SRGAP2: variants seen among roughly 807,000 people sequenced by gnomAD.
SRGAP2 encodes the protein SLIT-ROBO Rho GTPase activating protein 2.
In SRGAP2, 15 loss-of-function variants were observed where a neutral mutation model predicts 57.2. The ratio of observed to expected loss-of-function variants is 0.26; its 90% CI spans 0.18 to 0.40. The LOEUF (loss-of-function observed/expected upper bound fraction) is 0.40. Among genes scored for constraint, SRGAP2 ranks in the 10% least tolerant of loss-of-function variants. SRGAP2 has a pLI of 1.00. For synonymous variants in SRGAP2, 249 were observed against 248.0 expected (o/e 1.00, Z -0.04); for missense variants, 520 against 669.6 (o/e 0.78, Z 2.47).
chr1:206,372,964 CCTTTCTTTCTTTCTTTCTTT>C (rs1171287240), intron 4 of SRGAP2, among the ~76,000 whole-genome samples: 360 of 23,332 alleles, frequency 0.015, 31 homozygotes, highest in African/African-American at 0.026. Context: ...TCTTTTCTTT[CCTTTCTTTCTTTCTTTCTTT>C]CTTTCTTTCT....
intron 2 of SRGAP2, among the ~76,000 whole-genome samples, chr1:206,302,464 G>A (rs1315331241): frequency 6.6e-6 from 1 of 151,046 alleles, no homozygotes; most frequent in Non-Finnish European, 1.5e-5. Flanking sequence ...TTAACCAGAA[G>A]TATTTCTAGC....
At chr1:206,443,270 T>C (rs371001662) in intron 17 of SRGAP2, among the ~76,000 whole-genome samples, 5 of 152,234 alleles carry the variant, frequency 3.3e-5, no homozygotes, top group African/African-American at 1.2e-4. Context: ...GGACATGGCA[T>C]GAGTGACTAC....
chr1:206,437,898 C>T (rs1030503836), intron 15 of SRGAP2, 66 bp from the exon 16 acceptor site: 7 of 770,758 alleles, frequency 9.1e-6, no homozygotes, highest in African/African-American at 3.4e-5. Context: ...CCCTTCCCCA[C>T]GTTCGTCCTG....
At chr1:206,414,050 G>A (rs1245833901) in intron 10 of SRGAP2, among the ~76,000 whole-genome samples, 4 of 57,928 alleles carry the variant, frequency 6.9e-5, no homozygotes, top group Non-Finnish European at 1.4e-4. Context: ...TTTTTTTTTT[G>A]AGACAGAGTC....
chr1:206,410,569 C>T (rs1659125846), intron 10 of SRGAP2, among the ~76,000 whole-genome samples: 1 of 152,070 alleles, frequency 6.6e-6, no homozygotes, highest in African/African-American at 2.4e-5. Context: ...ACTGACGTAT[C>T]TGTAAATACC....
Position 206,454,131 on chromosome 1 carries a change from T to G in SRGAP2, c.2361-747T>G. 1.4e-6 allele frequency: 1 copy of G among 702,520 alleles called. No individual in the cohort carries two copies. Among genetic ancestry groups the G allele is most frequent in the Non-Finnish European group, 2.6e-6 (1 of 384,962 alleles). The allele number at this position is 702,520 out of a possible 1,614,324, so 43.5% of individuals were successfully genotyped here. On this transcript the variant is annotated intron_variant, in intron 20 of 22. Transcript: ENST00000573034. This position sits in a 1 kb window ranked among gnomAD's most constrained non-coding sequence, Gnocchi z 4.3. The stretch of plus-strand genomic sequence containing the variant: ...AGTGTTTTTAGTCCTTCCCTTAATA[T>G]TATTTTTTAAAGGTTGATATCCTGA...
chr1:206,458,037 G>A (rs1458252660), intron 21 of SRGAP2, among the ~76,000 whole-genome samples: 2 of 152,196 alleles, frequency 1.3e-5, no homozygotes, highest in African/African-American at 4.8e-5. Context: ...TCATGTAGAG[G>A]TATTTCCACA....
intron 11 of SRGAP2, among the ~76,000 whole-genome samples, chr1:206,416,214 C>T (rs1047864786): frequency 6.6e-6 from 1 of 152,176 alleles, no homozygotes; most frequent in Non-Finnish European, 1.5e-5. Flanking sequence ...AGCGTGCCTG[C>T]TCTCCACCCA....
intron 13 of SRGAP2, among the ~76,000 whole-genome samples, chr1:206,425,926 A>C (rs782315630): frequency 1.3e-5 from 2 of 148,466 alleles, no homozygotes; most frequent in African/African-American, 5.0e-5. Flanking sequence ...GCCTCACTGC[A>C]ACCTCCACCT....
intron 20 of SRGAP2, chr1:206,453,761 T>G (rs1300258010): frequency 4.0e-6 from 1 of 250,306 alleles, no homozygotes; most frequent in Non-Finnish European, 7.5e-6. Context: ...GTTACTCTCT[T>G]TTTTTTTTAA....
Position 206,461,178 on chromosome 1 carries a change from C to T in SRGAP2, c.2974C>T (p.Pro992Ser), listed in dbSNP as rs376636227. ...TSPVVAPTSE[P>S]SSPLHTQLLK... ...CCCAGTGGTGGCCCCCACGTCAGAG[C>T]CCTCCAGCCCTCTGCACACCCAGCT... The change falls in exon 23 of 23, where the codon CCC (proline) becomes TCC (serine). Residue 992 changes from proline (P) to serine (S), a missense_variant. By Grantham distance (74) the Pro-to-Ser change is moderately conservative. Coordinates refer to ENST00000573034, the MANE Select transcript of SRGAP2 (RefSeq NM_015326.5). 54 of 780,474 alleles carry T rather than the reference C, an allele frequency of 6.9e-5. No homozygotes were observed. The highest frequency in any genetic ancestry group is 2.2e-5 in the Non-Finnish European group (9 of 417,836). 48.3% of individuals were successfully genotyped at this position (780,474 alleles called of 1,614,324 possible). A position where few individuals can be genotyped will look rare whatever the true frequency, so the allele number is the denominator to read the frequency against.
At chr1:206,283,862 C>T (rs1386760556) in intron 2 of SRGAP2, among the ~76,000 whole-genome samples, 67 of 137,966 alleles carry the variant, frequency 4.9e-4, no homozygotes, top group Admixed American at 1.0e-3. Context: ...AATTTAATAG[C>T]GTCCATTTTA....
intron 2 of SRGAP2, among the ~76,000 whole-genome samples, chr1:206,266,576 A>T (rs1669863892): frequency 6.6e-6 from 1 of 152,052 alleles, no homozygotes; most frequent in South Asian, 2.1e-4. Flanking sequence ...ATATGATGAG[A>T]TGCCTGGACA....
Position 206,392,682 on chromosome 1 carries a change from C to T in SRGAP2, c.487-7C>T, listed in dbSNP as rs1657105569. On this transcript the variant is annotated splice_polypyrimidine_tract_variant and splice_region_variant and intron_variant, in intron 5 of 22. Coordinates refer to ENST00000573034, the MANE Select transcript of SRGAP2 (RefSeq NM_015326.5). ...CTCTGGGGGTGGGGGTGGGCGATGT[C>T]TTGCAGGTGATGAAGACATATCACA... 1.3e-6 allele frequency: 1 copy of T among 761,032 alleles called. No individual in the cohort carries two copies. The highest frequency in any genetic ancestry group is 1.8e-5 in the Admixed American group (1 of 55,848). The allele number at this position is 761,032 out of a possible 1,614,324, so 47.1% of individuals were successfully genotyped here.
At chr1:206,437,790 A>G in intron 15 of SRGAP2, 174 bp from the exon 16 acceptor site, 1 of 603,274 alleles carries the variant, frequency 1.7e-6, no homozygotes, top group South Asian at 2.0e-5. Flanking sequence ...CCTGAAATGG[A>G]GCAGTCTTTG....
intron 5 of SRGAP2, among the ~76,000 whole-genome samples, chr1:206,386,232 A>G (rs1354103394): frequency 3.0e-4 from 46 of 152,198 alleles, no homozygotes; most frequent in Admixed American, 2.7e-3. Flanking sequence ...CACAATGTCA[A>G]TACAGAGACA....
chr1:206,216,706 A>C (rs1447530379), intron 2 of SRGAP2, among the ~76,000 whole-genome samples: 2 of 144,108 alleles, frequency 1.4e-5, no homozygotes, highest in Admixed American at 1.4e-4. Context: ...TGTATTCGTG[A>C]GGAAGGAAAA....
intron 15 of SRGAP2, chr1:206,437,761 G>A (rs569169900): frequency 1.4e-4 from 81 of 578,570 alleles, no homozygotes; most frequent in Non-Finnish European, 2.0e-4. Flanking sequence ...CTCATCTGCC[G>A]TGCTTTGGTC....
intron 2 of SRGAP2, among the ~76,000 whole-genome samples, chr1:206,236,395 T>G (rs1404933128): frequency 1.3e-5 from 2 of 152,254 alleles, no homozygotes; most frequent in African/African-American, 4.8e-5. Flanking sequence ...TTGTACCTTT[T>G]CTCAACACCT....
Sources: gnomAD v4.1 joint callset for allele counts (sites outside exome capture counted in the v4.1 genomes callset) on GRCh38, gnomAD v4.1.1 for gene constraint, Gnocchi (gnomAD v3.1) non-coding constraint, MANE v1.5 for transcripts, NCBI Gene and HGNC (gene_info 2026-07-23, HGNC 2026-07-21) for gene names.